The following USP15 variants were observed in gnomAD, a reference collection of about 807,000 sequenced individuals.
The protein encoded by USP15 is ubiquitin carboxyl-terminal hydrolase 15.
A neutral mutation model predicts 127.1 loss-of-function variants in USP15; 18 were observed. That is an observed-to-expected ratio of 0.14 (90% CI 0.10 to 0.21). The LOEUF is 0.21. Ranked by LOEUF, USP15 falls within the 10% of genes least tolerant of loss-of-function variation. The pLI is 1.00. For missense variants in USP15, 805 were observed against 1,159.9 expected, an observed-to-expected ratio of 0.69 and a Z score of 4.44; for synonymous variants, 364 against 393.7, an observed-to-expected ratio of 0.92 and a Z score of 0.89.
At chr12:62,285,435 A>G (rs1331444992) in intron 1 of USP15, among the ~76,000 whole-genome samples, 2 of 151,990 alleles carry the variant, frequency 1.3e-5, no homozygotes, top group Non-Finnish European at 1.5e-5. Flanking sequence ...CTTCTTTTTT[A>G]TGGCTAAGTA....
intron 1 of USP15, among the ~76,000 whole-genome samples, chr12:62,289,511 C>T (rs575712984): frequency 6.6e-6 from 1 of 152,078 alleles, no homozygotes; most frequent in South Asian, 2.1e-4. Context: ...GTTAGTCTAG[C>T]TAGCAGTCTG....
chr12:62,404,479 T>C lies in USP15; in HGVS notation c.*104T>C. 7.2e-7 allele frequency: 1 copy of C among 1,387,886 alleles called. No individual in the cohort carries two copies. The highest frequency in any genetic ancestry group is 9.4e-7 in the Non-Finnish European group (1 of 1,058,670). 86.0% of individuals were successfully genotyped at this position (1,387,886 alleles called of 1,614,324 possible). On this transcript the variant is annotated 3_prime_UTR_variant, in exon 22 of 22. Coordinates refer to ENST00000280377, the MANE Select transcript of USP15 (RefSeq NM_001252078.2). ...AAAACAAAAGTCTGAGATGGGGAGT[T>C]TCAGATAACCGAATGTAAATCCTTT...
At chr12:62,333,186 C>T (rs1207569090) in intron 6 of USP15, among the ~76,000 whole-genome samples, 2 of 151,910 alleles carry the variant, frequency 1.3e-5, no homozygotes, top group Non-Finnish European at 1.5e-5. Flanking sequence ...CCAGTTCATA[C>T]ATTTCAGTAA....
chr12:62,315,909 A>G (rs2064818289), intron 4 of USP15, among the ~76,000 whole-genome samples: 1 of 152,178 alleles, frequency 6.6e-6, no homozygotes. Flanking sequence ...GCACCAAATA[A>G]AATACAGCAT....
Position 62,325,760 on chromosome 12 carries a change from C to G in USP15, c.622-112C>G, listed in dbSNP as rs923271901. 17 of 870,622 alleles carry G rather than the reference C, an allele frequency of 2.0e-5. No individual in the cohort carries two copies. In the Admixed American group the frequency reaches 2.4e-4, roughly 12 times the overall value. 53.9% of individuals were successfully genotyped at this position (870,622 alleles called of 1,614,324 possible). On this transcript the variant is annotated intron_variant, in intron 5 of 21. Transcript: ENST00000280377. ...CCTGTTCACCTTGTCTACTGTTTTC[C>G]TTTAAATAATCACAGAGTTACTTTA...
chr12:62,349,138 A>T (rs1051791950), intron 6 of USP15, 83 bp from the exon 7 acceptor site: 36 of 821,960 alleles, frequency 4.4e-5, no homozygotes, highest in Non-Finnish European at 5.5e-5. Context: ...TACTACAAAC[A>T]TTGTCATCTG....
intron 8 of USP15, among the ~76,000 whole-genome samples, chr12:62,369,118 A>G (rs1453154310): frequency 6.6e-6 from 1 of 152,206 alleles, no homozygotes; most frequent in Non-Finnish European, 1.5e-5. Flanking sequence ...TATAAATAAG[A>G]TATAATATGT....
Position 62,308,046 on chromosome 12 carries a change from T to G in USP15, c.348+5126T>G, listed in dbSNP as rs566362541. Reference sequence around the variant, plus strand: ...AATAAATTAAACTTCGTCATAGGTATGTATGTTTGTAAAGGAAAAAACATA... The same window carrying G: ...AATAAATTAAACTTCGTCATAGGTAGGTATGTTTGTAAAGGAAAAAACATA... On this transcript the variant is annotated intron_variant, in intron 3 of 21. Coordinates refer to ENST00000280377, the MANE Select transcript of USP15 (RefSeq NM_001252078.2). 2.0e-5 allele frequency among the ~76,000 whole-genome samples: 3 copies of G among 152,280 alleles called. No homozygotes were observed. In the South Asian group the frequency reaches 6.2e-4, roughly 32 times the overall value.
chr12:62,401,764 C>G (rs991348964), intron 21 of USP15, among the ~76,000 whole-genome samples: 3 of 151,580 alleles, frequency 2.0e-5, no homozygotes, highest in African/African-American at 7.3e-5. Flanking sequence ...GTACTTACTA[C>G]TTTGATATTT....
chr12:62,360,894 A>T (rs1164051306), intron 8 of USP15, among the ~76,000 whole-genome samples: 3 of 151,992 alleles, frequency 2.0e-5, no homozygotes, highest in African/African-American at 7.2e-5. Context: ...GCAAATTGTC[A>T]TCAAAAATAT....
At chr12:62,267,097 TCAA>T (rs2063210702) in intron 1 of USP15, 1 of 152,174 alleles carries the variant, frequency 6.6e-6, no homozygotes, top group African/African-American at 2.4e-5. Context: ...ATAGAATTTT[TCAA>T]CAATTACTAA....
chr12:62,395,402 A>G (rs916917361), intron 19 of USP15, among the ~76,000 whole-genome samples: 33 of 152,086 alleles, frequency 2.2e-4, no homozygotes, highest in African/African-American at 8.0e-4. Flanking sequence ...AGGTGTATAT[A>G]TTTGTGGGGT....
At chr12:62,361,530 A>G (rs1359038247) in intron 8 of USP15, among the ~76,000 whole-genome samples, 3 of 152,046 alleles carry the variant, frequency 2.0e-5, no homozygotes, top group Non-Finnish European at 4.4e-5. Flanking sequence ...TTAATAATAT[A>G]CTTATTAGAT....
rs1453907337 is a variant in USP15 at position 62,294,221 on chromosome 12, T to C, written c.132T>C (p.Tyr44=). The part of the protein sequence containing the change: ...DSRWFKQWKK[Y]VGFDSWDKYQ... The stretch of plus-strand genomic sequence containing the variant: ...GCTGGTTCAAACAGTGGAAAAAATA[T>C]GTTGGCTTTGACAGTTGGGACAAAT... Residue 44 remains tyrosine, a synonymous_variant, in exon 2 of 22, where the codon TAT becomes TAC. Transcript: ENST00000280377. The C allele has an allele frequency of 3.7e-6, 6 of 1,613,696 alleles. No individual in the cohort carries two copies. Among genetic ancestry groups the C allele is most frequent in the South Asian group, 2.2e-5 (2 of 91,076 alleles).
intron 8 of USP15, among the ~76,000 whole-genome samples, chr12:62,373,947 A>G (rs7309209): frequency 0.23 from 35,090 of 151,822 alleles, 4,495 homozygotes; most frequent in African/African-American, 0.36. Flanking sequence ...TTTACCTCAA[A>G]CTTTGCTGTG....
intron 1 of USP15, among the ~76,000 whole-genome samples, chr12:62,272,731 T>A (rs2063372146): frequency 6.6e-6 from 1 of 152,022 alleles, no homozygotes; most frequent in South Asian, 2.1e-4. Flanking sequence ...CCCCAGTTTC[T>A]CCAGAGCCAT....
intron 1 of USP15, 58 bp downstream of exon 1, chr12:62,260,561 GGAGCCGC>G: frequency 6.8e-7 from 1 of 1,479,890 alleles, no homozygotes; most frequent in Non-Finnish European, 9.2e-7. Flanking sequence ...GAAGTGGGCG[GGAGCCGC>G]GAGCTGGTTC....
At chr12:62,356,084 A>G (rs998907883) in intron 8 of USP15, among the ~76,000 whole-genome samples, 1 of 151,482 alleles carries the variant, frequency 6.6e-6, no homozygotes, top group South Asian at 2.1e-4. Context: ...TTTTAATATC[A>G]CTGTTACTGT....
At chr12:62,295,138 C>CG (rs963845760) in intron 2 of USP15, among the ~76,000 whole-genome samples, 17 of 152,110 alleles carry the variant, frequency 1.1e-4, no homozygotes, top group Non-Finnish European at 1.9e-4. Flanking sequence ...GACCTAGACC[C>CG]CCCCCCATAG....
Sources: allele counts gnomAD v4.1 joint callset (sites outside exome capture counted in the v4.1 genomes callset), GRCh38; gene constraint gnomAD v4.1.1; transcripts MANE v1.5; gene names NCBI Gene and HGNC (gene_info 2026-07-23, HGNC 2026-07-21).